Variants in PTGER3 observed in about 807,000 individuals in gnomAD.
PTGER3 encodes prostaglandin E receptor 3, also known as prostaglandin E2 receptor EP3 subtype.
Under a neutral mutation model 34.7 loss-of-function variants are expected in PTGER3, and 22 were observed. The ratio of observed to expected loss-of-function variants is 0.63; its 90% CI spans 0.45 to 0.91. The LOEUF is 0.91. PTGER3 is among the 40% of genes least tolerant of loss of function. PTGER3 has a pLI of 0.00. For missense variants in PTGER3, 468 were observed against 519.4 expected (o/e 0.90, Z 0.96); for synonymous variants, 241 against 230.1 (o/e 1.05, Z -0.43).
chr1:70,947,814 C>T (rs1482235157), downstream of PTGER3, among the ~76,000 whole-genome samples: 1 of 152,078 alleles, frequency 6.6e-6, no homozygotes, highest in Non-Finnish European at 1.5e-5. Flanking sequence ...AACTTTGTTA[C>T]GTTCTATACA....
chr1:70,875,978 T>G (rs1031898574), intron 4 of PTGER3, among the ~76,000 whole-genome samples: 1 of 152,308 alleles, frequency 6.6e-6, no homozygotes, highest in South Asian at 2.1e-4. Flanking sequence ...CTGGGTTGAT[T>G]GATAATTCTG....
rs976044612 is a variant in PTGER3, at chr1:70,953,573, T to A, written c.1104+190A>T. ...TTTTTAAATGCTAAGACTTGGGGATTTGTTGTTGTTGTTGCTGCTGCTACT... is the reference window on the plus strand; with the variant it reads ...TTTTTAAATGCTAAGACTTGGGGATATGTTGTTGTTGTTGCTGCTGCTACT... On this transcript the variant is annotated intron_variant, in intron 3 of 3. Coordinates refer to the PTGER3 transcript ENST00000356595. 2.0e-5 allele frequency among the ~76,000 whole-genome samples: 3 copies of A among 152,226 alleles called. No homozygotes were observed. In the East Asian group the frequency reaches 5.8e-4, roughly 29 times the overall value.
At chr1:70,891,773 G>A (rs1646623100) in intron 4 of PTGER3, among the ~76,000 whole-genome samples, 1 of 152,142 alleles carries the variant, frequency 6.6e-6, no homozygotes, top group South Asian at 2.1e-4. Context: ...TGTAATCTTA[G>A]TCATAAGCTA....
At chr1:70,869,355 G>C (rs1056965169) in intron 4 of PTGER3, 1 of 458,482 alleles carries the variant, frequency 2.2e-6, no homozygotes, top group African/African-American at 2.0e-5. Context: ...TGAGATTTGG[G>C]CATGGACAAA....
chr1:70,876,042 T>C (rs2100566985), intron 4 of PTGER3, among the ~76,000 whole-genome samples: 1 of 152,310 alleles, frequency 6.6e-6, no homozygotes, highest in Non-Finnish European at 1.5e-5. Context: ...CTGAACTAAT[T>C]TACATTCCCG....
At chr1:71,010,047 A>G (rs1478353408) in intron 2 of PTGER3, 2 of 985,128 alleles carry the variant, frequency 2.0e-6, no homozygotes, top group African/African-American at 1.7e-5. Context: ...CTTGTTAAAA[A>G]AAACACAAAA....
exon 5 of PTGER3, chr1:70,852,723 G>A: frequency 7.8e-7 from 1 of 1,274,158 alleles, no homozygotes; most frequent in South Asian, 1.2e-5. Flanking sequence ...GGTGGGCTTG[G>A]GGGAAGAAGT....
intron 4 of PTGER3, among the ~76,000 whole-genome samples, chr1:70,882,889 G>A (rs1214690899): frequency 6.6e-6 from 1 of 152,234 alleles, no homozygotes; most frequent in African/African-American, 2.4e-5. Flanking sequence ...TTTCTCAGAT[G>A]TTTGGCCTGC....
intron 4 of PTGER3, chr1:70,886,349 T>C (rs1033900564): frequency 2.2e-6 from 1 of 446,418 alleles, no homozygotes; most frequent in South Asian, 1.6e-5. Context: ...CAAATTTCTG[T>C]TGTTTAAGCC....
downstream of PTGER3, among the ~76,000 whole-genome samples, chr1:70,948,194 C>A (rs1650397927): frequency 6.6e-6 from 1 of 152,044 alleles, no homozygotes; most frequent in African/African-American, 2.4e-5. Context: ...GCTGTATCCC[C>A]ACCCAAATCT....
intron 4 of PTGER3, among the ~76,000 whole-genome samples, chr1:70,947,033 C>T (rs147781485): frequency 1.8e-4 from 28 of 152,224 alleles, no homozygotes; most frequent in Middle Eastern, 3.4e-3. Context: ...GTTTGTATCT[C>T]AGCCTCAGCA....
chr1:71,040,664 C>T (rs2744901), intron 1 of PTGER3, among the ~76,000 whole-genome samples: 26,332 of 152,006 alleles, frequency 0.17, 3,344 homozygotes, highest in African/African-American at 0.35. Flanking sequence ...CCTTATGTGG[C>T]AAGCAATTAT....
chr1:70,864,581 C>A (rs1260763673), intron 4 of PTGER3, among the ~76,000 whole-genome samples: 2 of 152,174 alleles, frequency 1.3e-5, no homozygotes, highest in African/African-American at 4.8e-5. Context: ...GTTCCACATA[C>A]CCTGTGTGTA....
At chr1:70,935,602 T>C (rs1649134621) in intron 4 of PTGER3, among the ~76,000 whole-genome samples, 1 of 151,156 alleles carries the variant, frequency 6.6e-6, no homozygotes, top group Non-Finnish European at 1.5e-5. Flanking sequence ...ACAAATATTT[T>C]ACAAATAATT....
intron 4 of PTGER3, among the ~76,000 whole-genome samples, chr1:70,863,804 A>C (rs1299594824): frequency 1.3e-5 from 2 of 152,182 alleles, no homozygotes; most frequent in Non-Finnish European, 2.9e-5. Flanking sequence ...GAATGTGTGG[A>C]GAATATCAAG....
In PTGER3 at chr1:71,047,134, G is replaced by C; in HGVS notation, c.444C>G (p.Ala148=). 6.2e-7 allele frequency: 1 copy of C among 1,602,366 alleles called. No homozygotes were observed. ...GCGCCCGCTCGACGGCCATGGCGCT[G>C]GCGATGAACAACGAGGAGAGCCCGA... The part of the protein sequence containing the change: ...TVFGLSSLFI[A]SAMAVERALA... The change falls in exon 1 of 4, where the codon GCC becomes GCG. Residue 148 remains alanine (A), a synonymous_variant. Coordinates refer to ENST00000306666, the MANE Select transcript of PTGER3 (RefSeq NM_198719.2).
chr1:70,908,059 C>G lies in PTGER3; in HGVS notation c.*23+45704G>C, dbSNP rs115821531. On this transcript the variant is annotated intron_variant, in intron 4 of 4. Transcript: ENST00000370931. ...TCATGCAAGACAGGCTTCCAATAGT[C>G]GGCACTTGCATTCCTTTCATCCTCT... is the stretch of plus-strand genomic sequence containing the variant. 5.6e-3 allele frequency among the ~76,000 whole-genome samples: 849 copies of G among 152,208 alleles called. 3 individuals are homozygous for G. The highest frequency in any genetic ancestry group is 0.01 in the Middle Eastern group (3 of 294).
At chr1:71,005,949 G>T (rs1572910749) in intron 2 of PTGER3, 3 of 595,794 alleles carry the variant, frequency 5.0e-6, no homozygotes, top group Non-Finnish European at 6.3e-6. Flanking sequence ...TACATATAAT[G>T]TATACTGGTC....
chr1:70,999,996 T>C (rs1367271121), intron 2 of PTGER3, among the ~76,000 whole-genome samples: 1 of 152,170 alleles, frequency 6.6e-6, no homozygotes, highest in Non-Finnish European at 1.5e-5. Context: ...TTGCTGAGAA[T>C]CTTGTTTGCT....
Sources: gnomAD v4.1 joint callset for allele counts (sites outside exome capture counted in the v4.1 genomes callset) on GRCh38, gnomAD v4.1.1 for gene constraint, MANE v1.5 for transcripts, NCBI Gene and HGNC (gene_info 2026-07-23, HGNC 2026-07-21) for gene names.